Variants in LGSN observed in about 807,000 individuals in gnomAD.
LGSN encodes the protein lengsin.
LGSN carries 21 observed loss-of-function variants against 19.5 expected under a neutral mutation model. The observed-to-expected ratio is 1.07, with a 90% CI of 0.76 to 1.55. LGSN has a LOEUF of 1.55. LGSN is among the 40% of genes most tolerant of loss of function. The pLI, the probability that LGSN is intolerant of heterozygous loss-of-function variation, is 0.00. For synonymous variants in LGSN, 257 were observed against 215.6 expected (o/e 1.19, Z -1.68); for missense variants, 673 against 608.5 (o/e 1.11, Z -1.12).
chr6:63,454,827 G>A, the LGSN span, among the ~76,000 whole-genome samples: 1 of 68,550 alleles, frequency 1.5e-5, no homozygotes, highest in African/African-American at 6.0e-5. Flanking sequence ...CGGAGTCTTT[G>A]TCTGTCACCC....
At chr6:63,402,357 T>A in the LGSN span, among the ~76,000 whole-genome samples, 41 of 152,094 alleles carry the variant, frequency 2.7e-4, 1 homozygote, top group African/African-American at 9.9e-4. Flanking sequence ...AAAAATAATG[T>A]TTAATATTTT....
the LGSN span, among the ~76,000 whole-genome samples, chr6:63,515,439 CA>C: frequency 6.6e-6 from 1 of 151,990 alleles, no homozygotes; most frequent in Non-Finnish European, 1.5e-5. Flanking sequence ...CCATGTTGGC[CA>C]GATTGGTCTC....
At chr6:63,458,528 C>T in the LGSN span, among the ~76,000 whole-genome samples, 6 of 151,996 alleles carry the variant, frequency 3.9e-5, no homozygotes, top group Admixed American at 3.3e-4. Flanking sequence ...TAATTCTGCA[C>T]TTATGTTAAA....
At chr6:63,549,962 G>A in the LGSN span, among the ~76,000 whole-genome samples, 2 of 152,052 alleles carry the variant, frequency 1.3e-5, no homozygotes, top group Non-Finnish European at 2.9e-5. Flanking sequence ...GATATTGAAT[G>A]TTCACAACAT....
chr6:63,534,355 T>C, the LGSN span, among the ~76,000 whole-genome samples: 1 of 152,062 alleles, frequency 6.6e-6, no homozygotes, highest in East Asian at 1.9e-4. Flanking sequence ...GGAGCAATGG[T>C]TCTCTGAGGA....
At chr6:63,298,353 C>A (rs1768058891) in intron 1 of LGSN, among the ~76,000 whole-genome samples, 1 of 152,208 alleles carries the variant, frequency 6.6e-6, no homozygotes, top group Admixed American at 6.5e-5. Flanking sequence ...ATGACAGACA[C>A]TGGACTGGGT....
chr6:63,449,216 A>C, the LGSN span, among the ~76,000 whole-genome samples: 1 of 152,182 alleles, frequency 6.6e-6, no homozygotes, highest in Non-Finnish European at 1.5e-5. Flanking sequence ...CCAGGACAGC[A>C]GAGAAAGAGA....
chr6:63,387,047 G>A, the LGSN span, among the ~76,000 whole-genome samples: 4 of 152,236 alleles, frequency 2.6e-5, no homozygotes, highest in East Asian at 7.7e-4. Flanking sequence ...GTTGCAGTGA[G>A]CTGAGATCAC....
In LGSN at chr6:63,285,667, G is replaced by A. The variant is rs778586283; in HGVS notation, c.250C>T (p.Arg84Cys). The A allele has an allele frequency of 1.3e-5, 21 of 1,613,972 alleles. 1 individual carries two copies. In the Middle Eastern group the frequency reaches 8.2e-4, roughly 63 times the overall value. The part of the protein sequence containing the change: ...KHIRQAMAKN[R>C]LQFVRFEATD... ...GCTTCAAATCGTACAAACTGGAGGC[G>A]ATTTTTGGCCATGGCTTGTCTAATG... Residue 84 changes from arginine to cysteine, a missense_variant, in exon 3 of 4, where the codon CGC becomes TGC. Transcript: ENST00000370657.
At chr6:63,376,605 T>C in the LGSN span, among the ~76,000 whole-genome samples, 2 of 152,224 alleles carry the variant, frequency 1.3e-5, no homozygotes, top group African/African-American at 4.8e-5. Context: ...CATTCACCTA[T>C]TGCATTTCTC....
At chr6:63,441,663 GA>G in the LGSN span, 1 of 478,102 alleles carries the variant, frequency 2.1e-6, no homozygotes, top group African/African-American at 2.0e-5. Context: ...GAGTGCCAGA[GA>G]AAGGAGTATG....
chr6:63,412,525 A>G, the LGSN span, among the ~76,000 whole-genome samples: 2,086 of 83,312 alleles, frequency 0.025, 14 homozygotes, highest in Non-Finnish European at 0.034. Context: ...AAAGAAAGAA[A>G]GAAGGAAAGA....
the LGSN span, among the ~76,000 whole-genome samples, chr6:63,555,743 G>T: frequency 6.7e-6 from 1 of 150,238 alleles, no homozygotes; most frequent in East Asian, 1.9e-4. Flanking sequence ...ACCCAGCCTG[G>T]AGTGCAATGG....
At chr6:63,521,893 G>A in the LGSN span, 5 of 152,136 alleles carry the variant, frequency 3.3e-5, no homozygotes, top group Non-Finnish European at 7.4e-5. Context: ...AGAACAATGG[G>A]AATCTTATAA....
chr6:63,526,772 C>A, the LGSN span, among the ~76,000 whole-genome samples: 26 of 144,060 alleles, frequency 1.8e-4, no homozygotes, highest in Admixed American at 1.6e-3. Context: ...GCACTCCAAC[C>A]TGCGACAGAG....
the LGSN span, among the ~76,000 whole-genome samples, chr6:63,546,300 T>G: frequency 6.6e-6 from 1 of 152,206 alleles, no homozygotes; most frequent in African/African-American, 2.4e-5. Flanking sequence ...AGACACATAC[T>G]CTATGATCTC....
the LGSN span, among the ~76,000 whole-genome samples, chr6:63,464,447 T>A: frequency 6.6e-6 from 1 of 151,676 alleles, no homozygotes; most frequent in Non-Finnish European, 1.5e-5. Context: ...AATGTGCAAG[T>A]CATGTTCTAA....
At chr6:63,409,216 A>G in the LGSN span, among the ~76,000 whole-genome samples, 1 of 152,184 alleles carries the variant, frequency 6.6e-6, no homozygotes, top group African/African-American at 2.4e-5. Context: ...CCAGCCAAAA[A>G]TATTTTTTGT....
chr6:63,366,772 T>C, the LGSN span, among the ~76,000 whole-genome samples: 19,669 of 151,830 alleles, frequency 0.13, 2,820 homozygotes, highest in African/African-American at 0.35. Flanking sequence ...ATAGAGCCCT[T>C]GGAAATAATA....
Sources: gnomAD v4.1 joint callset for allele counts (sites outside exome capture counted in the v4.1 genomes callset) on GRCh38, gnomAD v4.1.1 for gene constraint, MANE v1.5 for transcripts, NCBI Gene and HGNC (gene_info 2026-07-23, HGNC 2026-07-21) for gene names.